Variants in IL17RA observed in about 807,000 individuals in gnomAD.
IL17RA encodes the protein interleukin 17 receptor A.
IL17RA carries 34 observed loss-of-function variants against 50.4 expected under a neutral mutation model. That is an observed-to-expected ratio of 0.67 (90% CI 0.51 to 0.90). IL17RA has a LOEUF of 0.90. Among genes scored for constraint, IL17RA ranks in the 40% least tolerant of loss-of-function variants. The probability of loss-of-function intolerance (pLI) is 0.00; values close to 1 mark genes in which losing one functional copy is unlikely to be tolerated. For missense variants in IL17RA, 1,276 were observed against 1,169.8 expected (o/e 1.09, Z -1.32); for synonymous variants, 585 against 510.4 (o/e 1.15, Z -1.97).
rs1262136526 is a variant in IL17RA, at chr22:17,114,481, A to G, written c.*4661A>G. 6.6e-6 allele frequency: 1 copy of G among 152,244 alleles called. No homozygotes were observed. The allele number at this position is 152,244 out of a possible 1,614,324, so 9.4% of individuals were successfully genotyped here. The stretch of plus-strand genomic sequence containing the variant: ...CCCACCTCCCCCTGGAGTCCTTCCC[A>G]GGAGGAATAACCCCTTAGGTCATTG... On this transcript the variant is annotated 3_prime_UTR_variant, in exon 13 of 13. Coordinates refer to ENST00000319363, the MANE Select transcript of IL17RA (RefSeq NM_014339.7).
At chr22:17,100,272 G>A (rs1424328372) in intron 4 of IL17RA, 83 bp from the exon 5 acceptor site, 1 of 1,537,640 alleles carries the variant, frequency 6.5e-7, no homozygotes, top group Admixed American at 1.7e-5. Context: ...TTCGGGAGTG[G>A]GTGGGAACGG....
At chr22:17,086,137 GA>G (rs950527615) in intron 1 of IL17RA, among the ~76,000 whole-genome samples, 5 of 151,608 alleles carry the variant, frequency 3.3e-5, no homozygotes, top group Non-Finnish European at 7.4e-5. Flanking sequence ...CCATCTTAAG[GA>G]AAAAAACAAA....
In IL17RA at chr22:17,108,851, G is replaced by T. The variant is rs550947413; in HGVS notation, c.1632G>T (p.Pro544=). ...TCCAGGACCTGGAGATGTTCCAGCC[G>T]GGCCGCATGCACCGCGTAGGGGAGC... ...FRIQDLEMFQ[P]GRMHRVGELS... is the part of the protein sequence containing the mutation. The change falls in exon 13 of 13, where the codon CCG becomes CCT. Residue 544 remains proline (P), a synonymous_variant. Transcript: ENST00000319363. 4.4e-6 allele frequency: 7 copies of T among 1,608,466 alleles called. No homozygotes were observed. Among genetic ancestry groups the T allele is most frequent in the Non-Finnish European group, 5.9e-6 (7 of 1,177,792 alleles).
chr22:17,088,997 T>C (rs369482082), intron 1 of IL17RA, among the ~76,000 whole-genome samples: 10 of 152,016 alleles, frequency 6.6e-5, no homozygotes, highest in African/African-American at 2.2e-4. Context: ...GGTTTCACCA[T>C]GTTGGCCAGG....
rs41444145 is a variant in IL17RA, at chr22:17,085,984, C to G, written c.138+755C>G. ...GCGCCCTTCCCGCCACTCCCACCCC[C>G]GACTACCACCACCTGGGTCTGGGAA... On this transcript the variant is annotated intron_variant, in intron 1 of 12. Coordinates refer to ENST00000319363, the MANE Select transcript of IL17RA (RefSeq NM_014339.7). Among the ~76,000 whole-genome samples the G allele has an allele frequency of 2.0e-5, 3 of 152,262 alleles. No individual in the cohort carries two copies. In the South Asian group the frequency reaches 6.2e-4, roughly 32 times the overall value.
At chr22:17,105,820 G>T in intron 10 of IL17RA, 33 bp from the exon 11 acceptor site, 1 of 1,550,434 alleles carries the variant, frequency 6.4e-7, no homozygotes, top group Non-Finnish European at 8.7e-7. Context: ...GGCAGGCCCC[G>T]CCGCATCACT....
At chr22:17,096,263 T>A (rs2061367757) in intron 1 of IL17RA, among the ~76,000 whole-genome samples, 1 of 152,168 alleles carries the variant, frequency 6.6e-6, no homozygotes, top group Non-Finnish European at 1.5e-5. Context: ...GGCAATATAA[T>A]GTAACATGGG....
intron 7 of IL17RA, 84 bp downstream of exon 7, chr22:17,102,386 A>G: frequency 6.7e-7 from 1 of 1,496,550 alleles, no homozygotes; most frequent in Non-Finnish European, 9.3e-7. Flanking sequence ...GGTCTGACAG[A>G]ACCGCGTTGC....
At chr22:17,089,201 G>A (rs2061339340) in intron 1 of IL17RA, among the ~76,000 whole-genome samples, 1 of 152,160 alleles carries the variant, frequency 6.6e-6, no homozygotes, top group Non-Finnish European at 1.5e-5. Context: ...GGGATTACAG[G>A]TGTGAGCAAC....
Position 17,113,819 on chromosome 22 carries a change from G to A in IL17RA, c.*3999G>A, listed in dbSNP as rs60065827. ...AGGGTTGGGGGCTGGCCAGCTGCTC[G>A]TCCGCCCTAGGTAGCTTGCTCATCT... is the stretch of plus-strand genomic sequence containing the variant. On this transcript the variant is annotated 3_prime_UTR_variant, in exon 13 of 13. Coordinates refer to ENST00000319363, the MANE Select transcript of IL17RA (RefSeq NM_014339.7). 8,589 of 152,332 alleles carry A rather than the reference G, an allele frequency of 0.056. 764 individuals carry two copies. Among genetic ancestry groups the A allele is most frequent in the African/African-American group, 0.19 (8,067 of 41,512 alleles). 9.4% of individuals were successfully genotyped at this position (152,332 alleles called of 1,614,324 possible).
Position 17,110,592 on chromosome 22 carries a change from G to A in IL17RA, c.*772G>A, listed in dbSNP as rs1011099717. ...GCTTGTAATCCCAGCACTTTGGGAA[G>A]GCGAGGCAGGTGGATTGCTTGAGCT... On this transcript the variant is annotated 3_prime_UTR_variant, in exon 13 of 13. Transcript: ENST00000319363. The A allele has an allele frequency of 1.3e-5, 2 of 152,340 alleles. No homozygotes were observed. Among genetic ancestry groups the A allele is most frequent in the African/African-American group, 4.8e-5 (2 of 41,280 alleles). The allele number at this position is 152,340 out of a possible 1,614,324, so 9.4% of individuals were successfully genotyped here. A position where few individuals can be genotyped will look rare whatever the true frequency, so the allele number is the denominator to read the frequency against.
At chr22:17,094,677 C>CTATATA (rs1568917424) in intron 1 of IL17RA, among the ~76,000 whole-genome samples, 1 of 49,346 alleles carries the variant, frequency 2.0e-5, no homozygotes, top group African/African-American at 9.9e-5. Context: ...CTCTCTCTCT[C>CTATATA]TCTCTCTCTC....
At chr22:17,100,677 G>A (rs41510848) in intron 5 of IL17RA, among the ~76,000 whole-genome samples, 196 bp downstream of exon 5, 4,300 of 152,302 alleles carry the variant, frequency 0.028, 194 homozygotes, top group African/African-American at 0.098. Flanking sequence ...TGAGGCAGAG[G>A]CCATTCTCTG....
intron 1 of IL17RA, among the ~76,000 whole-genome samples, chr22:17,094,956 A>AT (rs892854961): frequency 3.3e-5 from 5 of 151,684 alleles, no homozygotes; most frequent in Non-Finnish European, 7.4e-5. Flanking sequence ...TCTCACCTTA[A>AT]TTCAGCCATT....
At chr22:17,107,663 C>G in intron 11 of IL17RA, 64 bp from the exon 12 acceptor site, 1 of 1,396,160 alleles carries the variant, frequency 7.2e-7, no homozygotes, top group South Asian at 1.2e-5. Flanking sequence ...GGCAGACACC[C>G]TGTGAGCTGG....
chr22:17,114,937 G>A lies in IL17RA; in HGVS notation c.*5117G>A, dbSNP rs1225025974. ...AAGCAGCCCTGAAGGTGGCTGTGAC[G>A]AGGGAAGGGGCAGAGGGCCTGACAG... On this transcript the variant is annotated 3_prime_UTR_variant, in exon 13 of 13. Coordinates refer to ENST00000319363, the MANE Select transcript of IL17RA (RefSeq NM_014339.7). The A allele has an allele frequency of 6.6e-6, 1 of 152,288 alleles. No individual in the cohort carries two copies. Among genetic ancestry groups the A allele is most frequent in the African/African-American group, 2.4e-5 (1 of 41,462 alleles). The allele number at this position is 152,288 out of a possible 1,614,324, so 9.4% of individuals were successfully genotyped here. A position where few individuals can be genotyped will look rare whatever the true frequency, so the allele number is the denominator to read the frequency against.
At chr22:17,091,652 TG>T (rs2061348622) in intron 1 of IL17RA, among the ~76,000 whole-genome samples, 2 of 151,772 alleles carry the variant, frequency 1.3e-5, no homozygotes, top group South Asian at 4.2e-4. Flanking sequence ...CACTCCAGCC[TG>T]GGTGACAGAG....
chr22:17,108,636 A>G lies in IL17RA; in HGVS notation c.1417A>G (p.Lys473Glu), dbSNP rs1568923436. Residue 473 changes from lysine to glutamate, a missense_variant, in exon 13 of 13, where the codon AAG becomes GAG. Lys to Glu is a moderately conservative substitution (Grantham distance 56). Coordinates refer to ENST00000319363, the MANE Select transcript of IL17RA (RefSeq NM_014339.7). ...APVRLRCDHGKPVGDLFTAAM... is the reference protein window; with the variant it reads ...APVRLRCDHGEPVGDLFTAAM... ...TGTGCGGCTGCGCTGCGACCACGGA[A>G]AGCCCGTGGGGGACCTGTTCACTGC... 1.9e-6 allele frequency: 3 copies of G among 1,605,838 alleles called. No individual in the cohort carries two copies. Among genetic ancestry groups the G allele is most frequent in the Non-Finnish European group, 2.5e-6 (3 of 1,179,674 alleles).
At chr22:17,085,427 T>A in intron 1 of IL17RA, 198 bp downstream of exon 1, 1 of 547,240 alleles carries the variant, frequency 1.8e-6, no homozygotes, top group Non-Finnish European at 2.3e-6. Context: ...GGAGTTGCGG[T>A]GTGGAATACG....
Sources: gnomAD v4.1 joint callset for allele counts (sites outside exome capture counted in the v4.1 genomes callset) on GRCh38, gnomAD v4.1.1 for gene constraint, MANE v1.5 for transcripts, NCBI Gene and HGNC (gene_info 2026-07-23, HGNC 2026-07-21) for gene names.